Variants in ROBO2 observed in about 807,000 individuals in gnomAD.
ROBO2 encodes roundabout homolog 2.
ROBO2 carries 53 observed loss-of-function variants against 160.8 expected under a neutral mutation model. That is an observed-to-expected ratio of 0.33 (90% CI 0.26 to 0.41). The LOEUF is 0.41. Among genes scored for constraint, ROBO2 ranks in the 10% least tolerant of loss-of-function variants. The probability of loss-of-function intolerance (pLI) is 1.00; values close to 1 mark genes in which losing one functional copy is unlikely to be tolerated. For missense variants in ROBO2, 1,577 were observed against 1,722.4 expected (o/e 0.92, Z 1.49); for synonymous variants, 664 against 611.7 (o/e 1.09, Z -1.26).
intron 2 of ROBO2, among the ~76,000 whole-genome samples, chr3:77,357,915 A>G (rs2069369472): frequency 6.6e-6 from 1 of 152,200 alleles, no homozygotes; most frequent in African/African-American, 2.4e-5. Flanking sequence ...AAAGATCCAT[A>G]AGGATTGGTG....
At chr3:77,257,817 T>C (rs2058520357) in intron 2 of ROBO2, among the ~76,000 whole-genome samples, 1 of 152,212 alleles carries the variant, frequency 6.6e-6, no homozygotes, top group South Asian at 2.1e-4. Flanking sequence ...TTGGTTCGTA[T>C]TATGGGTTAA....
chr3:76,064,033 G>GA (rs1276787104), intron 2 of ROBO2, among the ~76,000 whole-genome samples: 1 of 152,168 alleles, frequency 6.6e-6, no homozygotes, highest in African/African-American at 2.4e-5. Context: ...AACCAGCAGA[G>GA]AAACAGGGAC....
At chr3:76,618,105 C>G (rs964923920) in intron 2 of ROBO2, among the ~76,000 whole-genome samples, 5 of 151,642 alleles carry the variant, frequency 3.3e-5, no homozygotes, top group Admixed American at 2.6e-4. Flanking sequence ...CCAGTCACAG[C>G]AAAGACTCAC....
intron 21 of ROBO2, among the ~76,000 whole-genome samples, chr3:77,609,482 C>A (rs1416022516): frequency 6.6e-6 from 1 of 151,920 alleles, no homozygotes. Flanking sequence ...GCTGTTAAAG[C>A]TTTATATGCA....
intron 2 of ROBO2, among the ~76,000 whole-genome samples, chr3:77,425,734 G>A (rs559867905): frequency 1.0e-4 from 15 of 150,396 alleles, no homozygotes; most frequent in African/African-American, 2.4e-4. Flanking sequence ...GCATGATCTC[G>A]GCTCACTGCA....
chr3:77,403,159 T>C (rs1413775423), intron 2 of ROBO2, among the ~76,000 whole-genome samples: 1 of 152,244 alleles, frequency 6.6e-6, no homozygotes, highest in African/African-American at 2.4e-5. Flanking sequence ...TATATATACA[T>C]GTGGAATGGC....
intron 2 of ROBO2, among the ~76,000 whole-genome samples, chr3:76,360,791 T>C (rs2075467577): frequency 6.6e-6 from 1 of 152,050 alleles, no homozygotes; most frequent in Admixed American, 6.6e-5. Context: ...TGCTTTTTGC[T>C]TTTTGCCCTT....
chr3:77,633,615 G>A (rs975058078), intron 23 of ROBO2: 3 of 152,024 alleles, frequency 2.0e-5, no homozygotes, highest in African/African-American at 7.2e-5. Context: ...AAACTCTCAG[G>A]TTATAAAAAT....
chr3:76,681,701 A>C (rs971198718), intron 2 of ROBO2, among the ~76,000 whole-genome samples: 2 of 152,206 alleles, frequency 1.3e-5, no homozygotes, highest in African/African-American at 4.8e-5. Context: ...TTTGAATATA[A>C]GAAAGAGGGT....
At chr3:76,641,829 C>G (rs1438618362) in intron 2 of ROBO2, among the ~76,000 whole-genome samples, 1 of 152,120 alleles carries the variant, frequency 6.6e-6, no homozygotes, top group Non-Finnish European at 1.5e-5. Flanking sequence ...CTTTAAACTC[C>G]CGGACTTAGG....
intron 2 of ROBO2, among the ~76,000 whole-genome samples, chr3:76,892,606 A>G (rs1245849985): frequency 1.3e-5 from 2 of 152,106 alleles, no homozygotes; most frequent in African/African-American, 2.4e-5. Context: ...TAAGCTCTAT[A>G]TGCTTTGTCC....
chr3:76,382,456 C>A (rs1432407678), intron 2 of ROBO2, among the ~76,000 whole-genome samples: 1 of 152,028 alleles, frequency 6.6e-6, no homozygotes. Flanking sequence ...GGCGCGGTGG[C>A]GGCGCCTGTA....
intron 2 of ROBO2, among the ~76,000 whole-genome samples, chr3:76,392,989 AC>A (rs2077231190): frequency 6.6e-6 from 1 of 152,186 alleles, no homozygotes; most frequent in African/African-American, 2.4e-5. Context: ...ATTTTAAAGA[AC>A]TTAAATTTGG....
intron 2 of ROBO2, among the ~76,000 whole-genome samples, chr3:76,925,219 A>ATAAAT (rs1337859952): frequency 8.8e-6 from 1 of 113,052 alleles, no homozygotes; most frequent in African/African-American, 4.6e-5. Flanking sequence ...TCAAAAAAAA[A>ATAAAT]AAAAAAAAAA....
chr3:77,574,486 C>A lies in ROBO2; in HGVS notation c.1972-13C>A, dbSNP rs2093713406. On this transcript the variant is annotated splice_polypyrimidine_tract_variant and intron_variant, in intron 13 of 25. Coordinates refer to ENST00000461745, the Ensembl canonical transcript of ROBO2. ...TTCCTTTAGTTTCAAATGCCCTTAA[C>A]TATGTTTTTCAGGTTGATCGCCAAC... The A allele has an allele frequency of 6.2e-7, 1 of 1,607,764 alleles. No homozygotes were observed. The highest frequency in any genetic ancestry group is 2.2e-5 in the East Asian group (1 of 44,802).
At chr3:76,825,100 T>G (rs1025686971) in intron 2 of ROBO2, among the ~76,000 whole-genome samples, 1 of 152,144 alleles carries the variant, frequency 6.6e-6, no homozygotes, top group African/African-American at 2.4e-5. Flanking sequence ...GTAATAATTA[T>G]AAATCACACC....
At chr3:76,977,268 A>G (rs4407436) in intron 2 of ROBO2, among the ~76,000 whole-genome samples, 27,146 of 152,168 alleles carry the variant, frequency 0.18, 3,065 homozygotes, top group Admixed American at 0.27. Context: ...TATAACAAAC[A>G]TTTTAAAAGA....
At chr3:76,936,464 C>A (rs994898600) in intron 2 of ROBO2, among the ~76,000 whole-genome samples, 3 of 151,970 alleles carry the variant, frequency 2.0e-5, no homozygotes, top group Non-Finnish European at 4.4e-5. Context: ...GCAGCAACTT[C>A]AAGGCAGTAA....
At chr3:77,605,904 G>A (rs2094518244) in intron 20 of ROBO2, among the ~76,000 whole-genome samples, 1 of 152,138 alleles carries the variant, frequency 6.6e-6, no homozygotes. Context: ...AAGGAATAAA[G>A]GAGGTGAAAC....
Sources: gnomAD v4.1 joint callset for allele counts (sites outside exome capture counted in the v4.1 genomes callset) on GRCh38, gnomAD v4.1.1 for gene constraint, MANE v1.5 for transcripts, NCBI Gene and HGNC (gene_info 2026-07-23, HGNC 2026-07-21) for gene names.